Variants in ROBO2 observed in about 807,000 individuals in gnomAD.
The protein encoded by ROBO2 is roundabout guidance receptor 2.
ROBO2 carries 53 observed loss-of-function variants against 160.8 expected under a neutral mutation model. The ratio of observed to expected loss-of-function variants is 0.33; its 90% CI spans 0.26 to 0.41. ROBO2 has a LOEUF of 0.41. Among genes scored for constraint, ROBO2 ranks in the 10% least tolerant of loss-of-function variants. The probability of loss-of-function intolerance (pLI) is 1.00; values close to 1 mark genes in which losing one functional copy is unlikely to be tolerated. For synonymous variants in ROBO2, 664 were observed against 611.7 expected (o/e 1.09, Z -1.26); for missense variants, 1,577 against 1,722.4 (o/e 0.92, Z 1.49).
At chr3:77,180,416 C>CTCTCTCTCTCTCTCTCTCTATATATATA (rs1433740534) in intron 2 of ROBO2, among the ~76,000 whole-genome samples, 4 of 90,716 alleles carry the variant, frequency 4.4e-5, no homozygotes, top group Non-Finnish European at 6.8e-5. Context: ...CTCTCTCTCT[C>CTCTCTCTCTCTCTCTCTCTATATATATA]TATATATATA....
chr3:77,252,554 T>C (rs1160419279), intron 2 of ROBO2, among the ~76,000 whole-genome samples: 1 of 151,656 alleles, frequency 6.6e-6, no homozygotes. Flanking sequence ...ACACCTGTAA[T>C]CCCAGCACTT....
At chr3:77,440,101 G>T (rs1370239961) in intron 2 of ROBO2, among the ~76,000 whole-genome samples, 1 of 152,144 alleles carries the variant, frequency 6.6e-6, no homozygotes, top group East Asian at 1.9e-4. Context: ...CACAGAAGTT[G>T]TTTTCATTTA....
At chr3:77,529,794 TG>T (rs1456921379) in intron 6 of ROBO2, among the ~76,000 whole-genome samples, 1 of 151,932 alleles carries the variant, frequency 6.6e-6, no homozygotes, top group African/African-American at 2.4e-5. Context: ...CTATCTCAAA[TG>T]ACTTATGACA....
chr3:75,994,160 T>A (rs2065659011), intron 2 of ROBO2, among the ~76,000 whole-genome samples: 1 of 151,990 alleles, frequency 6.6e-6, no homozygotes, highest in African/African-American at 2.4e-5. Flanking sequence ...CTTTAGGGGG[T>A]CCACACCAAA....
In ROBO2 at chr3:76,338,694, T is replaced by C. The variant is rs192843976; in HGVS notation, c.109+401092T>C. ...GATCATGCTTCTTTTTTAAAAATTA[T>C]ATATATAATGCTTATTAATTATAAA... On this transcript the variant is annotated intron_variant, in intron 2 of 26. Coordinates refer to the ROBO2 transcript ENST00000487694. Among the ~76,000 whole-genome samples the C allele has an allele frequency of 2.9e-3, 440 of 150,546 alleles. 2 individuals carry two copies. Among genetic ancestry groups the C allele is most frequent in the African/African-American group, 0.01 (428 of 41,252 alleles).
intron 2 of ROBO2, among the ~76,000 whole-genome samples, chr3:77,108,649 C>T (rs2073177086): frequency 6.6e-6 from 1 of 152,068 alleles, no homozygotes; most frequent in South Asian, 2.1e-4. Flanking sequence ...GGCCTTCAGA[C>T]AGGGCATACT....
At chr3:76,176,562 A>G (rs1001965909) in intron 2 of ROBO2, among the ~76,000 whole-genome samples, 2 of 152,000 alleles carry the variant, frequency 1.3e-5, no homozygotes, top group African/African-American at 2.4e-5. Context: ...AGATTTGTGG[A>G]AAAAAAATCA....
chr3:76,709,272 T>C (rs2093237927), intron 2 of ROBO2, among the ~76,000 whole-genome samples: 2 of 152,344 alleles, frequency 1.3e-5, no homozygotes, highest in South Asian at 2.1e-4. Flanking sequence ...GTTCTGCGGC[T>C]ATTGGCATTG....
chr3:76,910,716 ACT>A (rs1467650593), intron 2 of ROBO2, among the ~76,000 whole-genome samples: 1 of 135,724 alleles, frequency 7.4e-6, no homozygotes, highest in Non-Finnish European at 1.6e-5. Flanking sequence ...ACAGAGTGAA[ACT>A]CTGTCTCAAA....
intron 2 of ROBO2, among the ~76,000 whole-genome samples, chr3:76,261,696 TCTC>T (rs1462588018): frequency 6.6e-6 from 1 of 152,068 alleles, no homozygotes; most frequent in African/African-American, 2.4e-5. Context: ...AAATAAGCCC[TCTC>T]CTCATCGTAG....
chr3:77,445,515 A>G (rs1249637292), intron 2 of ROBO2, among the ~76,000 whole-genome samples: 1 of 152,082 alleles, frequency 6.6e-6, no homozygotes, highest in Non-Finnish European at 1.5e-5. Context: ...CGCAACTAAT[A>G]GTGACTTTCG....
At chr3:77,596,787 C>T (rs2094314039) in intron 19 of ROBO2, 37 bp downstream of exon 20, 2 of 1,545,598 alleles carry the variant, frequency 1.3e-6, no homozygotes, top group Admixed American at 4.0e-5. Context: ...TATTTGAGTT[C>T]TCTCTCTCTT....
At chr3:75,956,503 A>G (rs1948726769) in intron 2 of ROBO2, among the ~76,000 whole-genome samples, 1 of 151,626 alleles carries the variant, frequency 6.6e-6, no homozygotes, top group East Asian at 2.0e-4. Flanking sequence ...TTACTTTACC[A>G]TTACCTTTTA....
chr3:77,348,440 G>C (rs901472315), intron 2 of ROBO2, among the ~76,000 whole-genome samples: 1 of 152,070 alleles, frequency 6.6e-6, no homozygotes, highest in African/African-American at 2.4e-5. Context: ...TCTTGGTTTT[G>C]ATGGGTTGGG....
At chr3:76,826,678 A>G (rs2066617929) in intron 2 of ROBO2, among the ~76,000 whole-genome samples, 1 of 152,198 alleles carries the variant, frequency 6.6e-6, no homozygotes, top group Non-Finnish European at 1.5e-5. Context: ...AATACCTAGC[A>G]CATCCCTGTA....
chr3:76,326,854 G>A (rs560921931), intron 2 of ROBO2, among the ~76,000 whole-genome samples: 2 of 143,794 alleles, frequency 1.4e-5, no homozygotes, highest in South Asian at 4.3e-4. Context: ...CCACCTATGA[G>A]TGAGAATATG....
intron 2 of ROBO2, among the ~76,000 whole-genome samples, chr3:76,222,283 A>C (rs1704015161): frequency 2.0e-5 from 3 of 152,146 alleles, no homozygotes; most frequent in Admixed American, 2.0e-4. Context: ...AGGTAGAAGG[A>C]GGGGCTGAGG....
intron 2 of ROBO2, among the ~76,000 whole-genome samples, chr3:76,761,330 G>A (rs1020668150): frequency 6.6e-6 from 1 of 151,652 alleles, no homozygotes; most frequent in Non-Finnish European, 1.5e-5. Flanking sequence ...ATTTCTATTG[G>A]ATGAGCATTT....
intron 5 of ROBO2, among the ~76,000 whole-genome samples, chr3:77,496,488 A>C (rs905634689): frequency 6.6e-6 from 1 of 152,192 alleles, no homozygotes; most frequent in Non-Finnish European, 1.5e-5. Context: ...CCAACCGTAG[A>C]CTAAATCAAC....
Sources: allele counts gnomAD v4.1 joint callset (sites outside exome capture counted in the v4.1 genomes callset), GRCh38; gene constraint gnomAD v4.1.1; transcripts MANE v1.5; gene names NCBI Gene and HGNC (gene_info 2026-07-23, HGNC 2026-07-21).